The following GRIA1 variants were observed in gnomAD, a reference collection of about 807,000 sequenced individuals.
The protein encoded by GRIA1 is glutamate ionotropic receptor AMPA type subunit 1, also known as glutamate receptor 1.
Under a neutral mutation model 99.2 loss-of-function variants are expected in GRIA1, and 31 were observed. That is an observed-to-expected ratio of 0.31 (90% confidence interval 0.23 to 0.42). The LOEUF is 0.42. Among genes scored for constraint, GRIA1 ranks in the 10% least tolerant of loss-of-function variants. The pLI, the probability that GRIA1 is intolerant of heterozygous loss-of-function variation, is 1.00. For synonymous variants in GRIA1, 438 were observed against 432.4 expected (o/e 1.01, Z -0.16); for missense variants, 782 against 1,157.5 (o/e 0.68, Z 4.71).
intron 4 of GRIA1, among the ~76,000 whole-genome samples, chr5:153,651,440 GC>G (rs1754568705): frequency 1.8e-5 from 1 of 55,082 alleles, no homozygotes; most frequent in Admixed American, 1.6e-4. Flanking sequence ...CACAGAATTA[GC>G]AGGATTTTTT....
chr5:153,678,875 C>T (rs931617884), intron 7 of GRIA1, among the ~76,000 whole-genome samples: 2 of 152,222 alleles, frequency 1.3e-5, no homozygotes, highest in African/African-American at 4.8e-5. Context: ...GAAACATTCA[C>T]TTAGCTCTCC....
intron 2 of GRIA1, among the ~76,000 whole-genome samples, chr5:153,625,605 T>C (rs181328915): frequency 6.6e-6 from 1 of 152,362 alleles, no homozygotes; most frequent in Non-Finnish European, 1.5e-5. Context: ...CAGACTATGT[T>C]GTATGCTGGA....
At chr5:153,723,996 C>G (rs941308429) in intron 11 of GRIA1, among the ~76,000 whole-genome samples, 1 of 152,346 alleles carries the variant, frequency 6.6e-6, no homozygotes, top group African/African-American at 2.4e-5. Context: ...AGGCGCCCCC[C>G]AGTAGGGGCA....
At position 153,741,346 on chromosome 5, in the gene GRIA1, G is replaced by T. The variant is rs115151692; in HGVS notation, c.1824-23088G>T. Reference sequence around the variant, plus strand: ...AGCCACTATGGAAAACAATATGGAGGTTCCTTAGAAAATTAAAAATAAAAC... The same window carrying T: ...AGCCACTATGGAAAACAATATGGAGTTTCCTTAGAAAATTAAAAATAAAAC... On this transcript the variant is annotated intron_variant, in intron 11 of 15. Coordinates refer to ENST00000285900, the MANE Select transcript of GRIA1 (RefSeq NM_000827.4). 3.0e-3 allele frequency among the ~76,000 whole-genome samples: 449 copies of T among 152,200 alleles called. 3 individuals are homozygous for T. Among genetic ancestry groups the T allele is most frequent in the African/African-American group, 0.01 (416 of 41,520 alleles).
At chr5:153,520,022 T>C (rs1206204864) in intron 2 of GRIA1, among the ~76,000 whole-genome samples, 1 of 152,180 alleles carries the variant, frequency 6.6e-6, no homozygotes, top group Non-Finnish European at 1.5e-5. Flanking sequence ...TGTGATTTCA[T>C]GGCCTGTTAG....
chr5:153,580,278 G>A lies in GRIA1; in HGVS notation c.221-66650G>A, dbSNP rs867973881. 2.0e-5 allele frequency among the ~76,000 whole-genome samples: 3 copies of A among 152,040 alleles called. No homozygotes were observed. The South Asian group carries it at 6.2e-4, about 32-fold the overall frequency. ...TGGAAGGGAGGTCTCTGTGACCTTG[G>A]GTCTGACCTCGAGCCTGACATGCCT... On this transcript the variant is annotated intron_variant, in intron 2 of 15. Coordinates refer to ENST00000285900, the MANE Select transcript of GRIA1 (RefSeq NM_000827.4).
chr5:153,490,525 T>A, upstream of GRIA1: 1 of 339,548 alleles, frequency 2.9e-6, no homozygotes, highest in Non-Finnish European at 5.6e-6. Context: ...GGTATTAGCA[T>A]AGAGCTTGCT....
At chr5:153,790,969 A>C (rs1765257058) in intron 13 of GRIA1, among the ~76,000 whole-genome samples, 1 of 152,188 alleles carries the variant, frequency 6.6e-6, no homozygotes, top group African/African-American at 2.4e-5. Flanking sequence ...TTTGTTTTGA[A>C]CATGTGAAAT....
intron 11 of GRIA1, among the ~76,000 whole-genome samples, chr5:153,757,403 A>G (rs552348454): frequency 6.4e-4 from 97 of 152,326 alleles, no homozygotes; most frequent in South Asian, 6.0e-3. Flanking sequence ...ACAGAGACCT[A>G]TCCAAACCTA....
chr5:153,501,041 C>T (rs967874263), intron 2 of GRIA1, among the ~76,000 whole-genome samples: 1 of 152,194 alleles, frequency 6.6e-6, no homozygotes, highest in Non-Finnish European at 1.5e-5. Context: ...TAGAAGTTCT[C>T]TACCTTTGGC....
Position 153,516,698 on chromosome 5 carries a change from C to T in GRIA1, c.220+22633C>T, listed in dbSNP as rs367894152. Among the ~76,000 whole-genome samples the T allele has an allele frequency of 1.4e-4, 22 of 152,052 alleles. No individual in the cohort carries two copies. In the East Asian group the frequency reaches 2.7e-3, roughly 19 times the overall value. On this transcript the variant is annotated intron_variant, in intron 2 of 15. Coordinates refer to ENST00000285900, the MANE Select transcript of GRIA1 (RefSeq NM_000827.4). ...AGACAAAAGGCTGCTGCGTCCAGAT[C>T]TCCCTTCACGAGGAAGAAATGTGTC...
intron 2 of GRIA1, among the ~76,000 whole-genome samples, chr5:153,615,777 G>A (rs953630663): frequency 2.0e-4 from 31 of 152,040 alleles, no homozygotes; most frequent in African/African-American, 7.5e-4. Flanking sequence ...TTAAGATGAT[G>A]GTACCCTTCC....
At chr5:153,584,430 C>A (rs1297883485) in intron 2 of GRIA1, among the ~76,000 whole-genome samples, 1 of 152,132 alleles carries the variant, frequency 6.6e-6, no homozygotes, top group African/African-American at 2.4e-5. Flanking sequence ...CAATTTGTGT[C>A]CCCTCCCATT....
chr5:153,523,897 TA>T (rs1360897568), intron 2 of GRIA1, among the ~76,000 whole-genome samples: 1 of 152,242 alleles, frequency 6.6e-6, no homozygotes, highest in African/African-American at 2.4e-5. Flanking sequence ...CCAAAAGCTG[TA>T]AGTTCCTTGA....
At chr5:153,525,663 A>G (rs1409274534) in intron 2 of GRIA1, 1 of 152,102 alleles carries the variant, frequency 6.6e-6, no homozygotes, top group Non-Finnish European at 1.5e-5. Context: ...GCTTACTCTT[A>G]GTGGGAAGGC....
At chr5:153,629,443 C>T (rs987565307) in intron 2 of GRIA1, among the ~76,000 whole-genome samples, 1 of 152,210 alleles carries the variant, frequency 6.6e-6, no homozygotes, top group African/African-American at 2.4e-5. Context: ...TGATGAGCGA[C>T]ATTGTAGAGA....
At chr5:153,492,796 AAG>A (rs1554089182) in intron 1 of GRIA1, among the ~76,000 whole-genome samples, 4 of 152,298 alleles carry the variant, frequency 2.6e-5, no homozygotes, top group African/African-American at 7.2e-5. Flanking sequence ...TCAAAAAAAA[AAG>A]AGATTGAAGC....
intron 14 of GRIA1, among the ~76,000 whole-genome samples, chr5:153,795,763 GT>G (rs1323386336): frequency 1.3e-5 from 2 of 152,116 alleles, no homozygotes; most frequent in African/African-American, 4.8e-5. Context: ...GCACGCCAGT[GT>G]TTCCCAACCC....
intron 8 of GRIA1, among the ~76,000 whole-genome samples, chr5:153,693,170 C>T (rs1452792131): frequency 6.6e-6 from 1 of 152,108 alleles, no homozygotes; most frequent in Non-Finnish European, 1.5e-5. Context: ...ATTTCAACAT[C>T]CAGCTAACAG....
Sources: gnomAD v4.1 joint callset for allele counts (sites outside exome capture counted in the v4.1 genomes callset) on GRCh38, gnomAD v4.1.1 for gene constraint, MANE v1.5 for transcripts, NCBI Gene and HGNC (gene_info 2026-07-23, HGNC 2026-07-21) for gene names.